LINGO2: variants seen among roughly 807,000 people sequenced by gnomAD.
LINGO2 encodes leucine-rich repeat and immunoglobulin-like domain-containing nogo receptor-interacting protein 2.
LINGO2 carries 14 observed loss-of-function variants against 30.6 expected under a neutral mutation model. That is an observed-to-expected ratio of 0.46 (90% CI 0.30 to 0.72). The LOEUF is 0.72. LINGO2 is among the 30% of genes least tolerant of loss of function. LINGO2 has a pLI of 0.07. For synonymous variants in LINGO2, 317 were observed against 288.5 expected, an observed-to-expected ratio of 1.10 and a Z score of -1.00; for missense variants, 729 against 751.7, an observed-to-expected ratio of 0.97 and a Z score of 0.35.
intron 4 of LINGO2, among the ~76,000 whole-genome samples, chr9:28,233,046 AT>A (rs1326263033): frequency 8.5e-6 from 1 of 118,112 alleles, no homozygotes; most frequent in Non-Finnish European, 1.7e-5. Context: ...ATATATATAT[AT>A]ATATATATAT....
At chr9:29,085,950 A>G in the LINGO2 span, among the ~76,000 whole-genome samples, 2 of 152,116 alleles carry the variant, frequency 1.3e-5, no homozygotes, top group Admixed American at 1.3e-4. Flanking sequence ...GTCTTATCAT[A>G]GCTAAGTGCA....
intron 1 of LINGO2, among the ~76,000 whole-genome samples, chr9:28,508,130 C>T (rs937575707): frequency 5.3e-5 from 8 of 151,936 alleles, no homozygotes; most frequent in African/African-American, 1.9e-4. Flanking sequence ...CATATTATGG[C>T]TCTAAACAGT....
At chr9:28,779,457 C>CA in the LINGO2 span, among the ~76,000 whole-genome samples, 1 of 152,234 alleles carries the variant, frequency 6.6e-6, no homozygotes, top group Non-Finnish European at 1.5e-5. Flanking sequence ...TCATATATTG[C>CA]AAAACCATGT....
At chr9:28,454,786 A>G (rs1824783480) in intron 2 of LINGO2, among the ~76,000 whole-genome samples, 1 of 151,934 alleles carries the variant, frequency 6.6e-6, no homozygotes, top group Non-Finnish European at 1.5e-5. Context: ...TAGAAAATGG[A>G]TTTTTCCCTC....
At chr9:28,724,578 T>C in the LINGO2 span, among the ~76,000 whole-genome samples, 1 of 152,050 alleles carries the variant, frequency 6.6e-6, no homozygotes, top group Non-Finnish European at 1.5e-5. Flanking sequence ...CCATCACGGA[T>C]GATAACCTAC....
the LINGO2 span, among the ~76,000 whole-genome samples, chr9:28,694,681 G>C: frequency 6.6e-6 from 1 of 151,972 alleles, no homozygotes; most frequent in Non-Finnish European, 1.5e-5. Flanking sequence ...CACACAGCTA[G>C]TAAGGGCAGA....
At chr9:28,592,602 G>A (rs1239330617) in intron 1 of LINGO2, among the ~76,000 whole-genome samples, 1 of 152,008 alleles carries the variant, frequency 6.6e-6, no homozygotes, top group African/African-American at 2.4e-5. Context: ...GTCTTATTGA[G>A]CCTTATTGGC....
intron 2 of LINGO2, among the ~76,000 whole-genome samples, chr9:28,426,413 A>G (rs1422581347): frequency 6.6e-6 from 1 of 152,150 alleles, no homozygotes; most frequent in Non-Finnish European, 1.5e-5. Flanking sequence ...AAATAAAACT[A>G]TAAATTCAGT....
At chr9:29,105,886 A>G in the LINGO2 span, among the ~76,000 whole-genome samples, 1 of 152,138 alleles carries the variant, frequency 6.6e-6, no homozygotes, top group Non-Finnish European at 1.5e-5. Context: ...TCCTACATCC[A>G]TAGTGAAATA....
intron 5 of LINGO2, among the ~76,000 whole-genome samples, chr9:28,005,409 A>C (rs1420703342): frequency 6.6e-6 from 1 of 152,178 alleles, no homozygotes; most frequent in African/African-American, 2.4e-5. Flanking sequence ...AGGATTAAAA[A>C]ACTTTTCTCA....
intron 4 of LINGO2, among the ~76,000 whole-genome samples, chr9:28,266,578 T>C (rs1822757765): frequency 6.6e-6 from 1 of 152,022 alleles, no homozygotes; most frequent in Non-Finnish European, 1.5e-5. Flanking sequence ...CTTTTCTGTC[T>C]CAGAGTTCTT....
At chr9:28,604,509 T>G (rs1825621618) in intron 1 of LINGO2, among the ~76,000 whole-genome samples, 1 of 152,078 alleles carries the variant, frequency 6.6e-6, no homozygotes, top group South Asian at 2.1e-4. Flanking sequence ...TGTTTTTCAG[T>G]AGATAATTAT....
the LINGO2 span, among the ~76,000 whole-genome samples, chr9:28,904,037 A>G: frequency 6.6e-6 from 1 of 152,154 alleles, no homozygotes; most frequent in Non-Finnish European, 1.5e-5. Flanking sequence ...TATCCTGGTG[A>G]TACAAGGATG....
chr9:28,915,927 C>T, the LINGO2 span, among the ~76,000 whole-genome samples: 9 of 152,122 alleles, frequency 5.9e-5, no homozygotes, highest in Admixed American at 3.3e-4. Context: ...CTCTGATAAA[C>T]GGTCGCGAAT....
chr9:29,143,386 G>T, the LINGO2 span, among the ~76,000 whole-genome samples: 1 of 152,106 alleles, frequency 6.6e-6, no homozygotes, highest in Non-Finnish European at 1.5e-5. Context: ...AAAGCTGGAG[G>T]CCTGACACTT....
intron 5 of LINGO2, among the ~76,000 whole-genome samples, chr9:27,973,815 C>A (rs577487908): frequency 5.3e-5 from 8 of 152,238 alleles, no homozygotes; most frequent in African/African-American, 1.9e-4. Context: ...ATTCACCAAT[C>A]TTTTGGGTTT....
chr9:28,228,790 A>G lies in LINGO2; in HGVS notation c.-87+66418T>C, dbSNP rs148622527. ...AACAAAATAATACTTTAATATAATAATTTAATATTTTGGAATTATTTTTTA... is the reference window on the plus strand; with the variant it reads ...AACAAAATAATACTTTAATATAATAGTTTAATATTTTGGAATTATTTTTTA... On this transcript the variant is annotated intron_variant, in intron 4 of 5. Transcript: ENST00000379992. Among the ~76,000 whole-genome samples the G allele has an allele frequency of 3.5e-3, 537 of 151,798 alleles. 5 individuals carry two copies. Among genetic ancestry groups the G allele is most frequent in the African/African-American group, 0.012 (516 of 41,544 alleles).
intron 3 of LINGO2, among the ~76,000 whole-genome samples, chr9:28,361,352 T>TA (rs1350241910): frequency 2.0e-5 from 3 of 152,292 alleles, no homozygotes; most frequent in Non-Finnish European, 4.4e-5. Flanking sequence ...GGGAAAAACA[T>TA]AGAGTTCGAT....
intron 5 of LINGO2, among the ~76,000 whole-genome samples, chr9:28,003,941 T>C (rs879842548): frequency 2.6e-5 from 4 of 152,158 alleles, no homozygotes; most frequent in Non-Finnish European, 5.9e-5. Context: ...ACTAAGGAAA[T>C]GCAAACATTG....
Sources: allele counts gnomAD v4.1 joint callset (sites outside exome capture counted in the v4.1 genomes callset), GRCh38; gene constraint gnomAD v4.1.1; transcripts MANE v1.5; gene names NCBI Gene and HGNC (gene_info 2026-07-23, HGNC 2026-07-21).